Variants in MAGI1 observed in about 807,000 individuals in gnomAD.
MAGI1 encodes membrane associated guanylate kinase, WW and PDZ domain containing 1, also known as membrane-associated guanylate kinase, WW and PDZ domain-containing protein 1.
In MAGI1, 58 loss-of-function variants were observed where a neutral mutation model predicts 139.9. That is an observed-to-expected ratio of 0.41 (90% CI 0.34 to 0.52). MAGI1 has a LOEUF of 0.52. MAGI1 is among the 20% of genes least tolerant of loss of function. The probability of loss-of-function intolerance (pLI) is 0.12; values close to 1 mark genes in which losing one functional copy is unlikely to be tolerated. For synonymous variants in MAGI1, 812 were observed against 737.9 expected (o/e 1.10, Z -1.63); for missense variants, 1,874 against 1,901.6 (o/e 0.99, Z 0.27).
At chr3:65,959,865 G>A (rs1379141876) in intron 1 of MAGI1, among the ~76,000 whole-genome samples, 22 of 139,298 alleles carry the variant, frequency 1.6e-4, no homozygotes, top group African/African-American at 5.6e-4. Flanking sequence ...GAGTGCAGTG[G>A]CGCAAACTCG....
chr3:65,408,763 A>T (rs2107178220), intron 12 of MAGI1, among the ~76,000 whole-genome samples: 1 of 152,346 alleles, frequency 6.6e-6, no homozygotes, highest in South Asian at 2.1e-4. Flanking sequence ...AAACAGGAAA[A>T]GGTACATTCA....
At chr3:65,729,183 A>G (rs983163651) in intron 1 of MAGI1, among the ~76,000 whole-genome samples, 6 of 148,940 alleles carry the variant, frequency 4.0e-5, no homozygotes, top group Admixed American at 6.9e-5. Context: ...GTATATTCAT[A>G]TAGGACCAAC....
intron 1 of MAGI1, among the ~76,000 whole-genome samples, chr3:65,987,298 T>A (rs1325401739): frequency 6.6e-6 from 1 of 152,230 alleles, no homozygotes; most frequent in African/African-American, 2.4e-5. Context: ...GGCATGCACC[T>A]TGTCATGTGC....
chr3:66,029,746 A>G (rs111569837), intron 1 of MAGI1, among the ~76,000 whole-genome samples: 12 of 152,222 alleles, frequency 7.9e-5, no homozygotes, highest in African/African-American at 2.6e-4. Context: ...TCAAATCCTG[A>G]CCTAGAGTTG....
At chr3:65,887,742 C>T (rs376005688) in intron 1 of MAGI1, among the ~76,000 whole-genome samples, 16 of 152,276 alleles carry the variant, frequency 1.1e-4, no homozygotes, top group African/African-American at 3.4e-4. Context: ...TAAGTCAGTT[C>T]ATCTTTGAGC....
intron 1 of MAGI1, among the ~76,000 whole-genome samples, chr3:65,634,866 T>C (rs973678639): frequency 6.6e-6 from 1 of 152,180 alleles, no homozygotes; most frequent in Non-Finnish European, 1.5e-5. Flanking sequence ...GTCATCATTT[T>C]GTGGTAATTT....
intron 2 of MAGI1, among the ~76,000 whole-genome samples, chr3:65,610,362 T>A (rs1356043270): frequency 6.6e-6 from 1 of 152,084 alleles, no homozygotes; most frequent in East Asian, 1.9e-4. Context: ...CAGAATTAGC[T>A]AGGGTCAGGC....
At chr3:65,670,802 C>T (rs1010941686) in intron 1 of MAGI1, among the ~76,000 whole-genome samples, 1 of 152,118 alleles carries the variant, frequency 6.6e-6, no homozygotes, top group Non-Finnish European at 1.5e-5. Flanking sequence ...ATCACTCTTA[C>T]TAGATATAAA....
intron 2 of MAGI1, among the ~76,000 whole-genome samples, chr3:65,586,833 T>C (rs2081705608): frequency 6.6e-6 from 1 of 152,072 alleles, no homozygotes; most frequent in Admixed American, 6.6e-5. Flanking sequence ...ATATCTTCAT[T>C]CTGCATTCTG....
intron 1 of MAGI1, among the ~76,000 whole-genome samples, chr3:65,918,882 T>C (rs1456060201): frequency 2.0e-5 from 3 of 152,078 alleles, no homozygotes; most frequent in African/African-American, 7.2e-5. Context: ...AGTTCAATTA[T>C]ACTGCAGAGT....
intron 1 of MAGI1, among the ~76,000 whole-genome samples, chr3:65,783,803 C>CA (rs71102879): frequency 0.02 from 2,564 of 129,772 alleles, 89 homozygotes; most frequent in African/African-American, 0.066. Context: ...CAGCCTGTAC[C>CA]AAAAAAAAAA....
chr3:65,910,854 A>ATTTTTT (rs1560003976), intron 1 of MAGI1, among the ~76,000 whole-genome samples: 1 of 11,904 alleles, frequency 8.4e-5, no homozygotes, highest in Non-Finnish European at 1.4e-4. Context: ...GACATGGTGG[A>ATTTTTT]CTTTTTTTTT....
At chr3:65,410,519 T>A (rs1945712253) in intron 12 of MAGI1, among the ~76,000 whole-genome samples, 1 of 152,208 alleles carries the variant, frequency 6.6e-6, no homozygotes, top group South Asian at 2.1e-4. Flanking sequence ...ATAAGATTAA[T>A]CCTATAGCCA....
intron 1 of MAGI1, among the ~76,000 whole-genome samples, chr3:65,658,925 C>A (rs557947041): frequency 1.3e-5 from 2 of 152,332 alleles, no homozygotes; most frequent in East Asian, 3.9e-4. Flanking sequence ...TAGAAATCAA[C>A]TAGAACTTAT....
intron 4 of MAGI1, among the ~76,000 whole-genome samples, chr3:65,470,687 G>A (rs1950507393): frequency 2.0e-5 from 3 of 152,066 alleles, no homozygotes; most frequent in Non-Finnish European, 2.9e-5. Flanking sequence ...GCATCGAAAT[G>A]ATCAATGAAA....
At chr3:65,598,361 G>A (rs1358762103) in intron 2 of MAGI1, among the ~76,000 whole-genome samples, 2 of 152,142 alleles carry the variant, frequency 1.3e-5, no homozygotes, top group African/African-American at 4.8e-5. Context: ...TGGAGGCTGA[G>A]TGCATGAGTG....
chr3:65,611,035 T>TATATACTATATAAATATATACATAC (rs2083060529), intron 2 of MAGI1, among the ~76,000 whole-genome samples: 1 of 134,278 alleles, frequency 7.4e-6, no homozygotes, highest in Non-Finnish European at 1.5e-5. Flanking sequence ...GTATATAGTA[T>TATATACTATATAAATATATACATAC]ATATACTATA....
At chr3:65,702,343 T>C (rs1252886202) in intron 1 of MAGI1, among the ~76,000 whole-genome samples, 3 of 152,146 alleles carry the variant, frequency 2.0e-5, no homozygotes, top group Non-Finnish European at 4.4e-5. Flanking sequence ...GTTTCCACAG[T>C]GGAACCCAAT....
intron 1 of MAGI1, among the ~76,000 whole-genome samples, chr3:65,635,297 T>A (rs2084548749): frequency 6.6e-6 from 1 of 152,012 alleles, no homozygotes; most frequent in African/African-American, 2.4e-5. Context: ...ACTCCTCACC[T>A]CATGATCCTC....
Sources: gnomAD v4.1 joint callset for allele counts (sites outside exome capture counted in the v4.1 genomes callset) on GRCh38, gnomAD v4.1.1 for gene constraint, MANE v1.5 for transcripts, NCBI Gene and HGNC (gene_info 2026-07-23, HGNC 2026-07-21) for gene names.